Variants in PLS1 observed in about 807,000 individuals in gnomAD.
The protein encoded by PLS1 is plastin-1.
Under a neutral mutation model 73.7 loss-of-function variants are expected in PLS1, and 32 were observed. That is an observed-to-expected ratio of 0.43 (90% CI 0.33 to 0.58). The LOEUF (loss-of-function observed/expected upper bound fraction) is 0.58. PLS1 is among the 20% of genes least tolerant of loss of function. The probability of loss-of-function intolerance (pLI) is 0.04; values close to 1 mark genes in which losing one functional copy is unlikely to be tolerated. For synonymous variants in PLS1, 217 were observed against 261.3 expected, an observed-to-expected ratio of 0.83 and a Z score of 1.63; for missense variants, 633 against 740.5, an observed-to-expected ratio of 0.85 and a Z score of 1.68.
chr3:142,711,776 A>G (rs993890955), intron 15 of PLS1, 96 bp from the exon 16 acceptor site: 168 of 1,446,448 alleles, frequency 1.2e-4, no homozygotes, highest in Admixed American at 1.9e-4. Context: ...ACCTTTTCGT[A>G]AAACTAATCT....
chr3:142,601,123 C>G (rs1161666276), intron 1 of PLS1, among the ~76,000 whole-genome samples: 1 of 149,448 alleles, frequency 6.7e-6, no homozygotes, highest in Non-Finnish European at 1.5e-5. Context: ...GACGGGGTTT[C>G]ACTGTGTTAG....
chr3:142,599,465 G>A (rs1001039331), intron 1 of PLS1, among the ~76,000 whole-genome samples: 1 of 151,488 alleles, frequency 6.6e-6, no homozygotes, highest in African/African-American at 2.4e-5. Context: ...GAGTAGCTGG[G>A]ACTACAGGCG....
intron 12 of PLS1, among the ~76,000 whole-genome samples, chr3:142,702,657 A>G (rs1293349603): frequency 2.6e-5 from 4 of 152,368 alleles, no homozygotes; most frequent in South Asian, 2.1e-4. Context: ...ATAAGAATTT[A>G]TAAGTTCTGA....
Position 142,694,561 on chromosome 3 carries a change from T to G in PLS1, c.1256+14T>G, listed in dbSNP as rs555121634. The G allele has an allele frequency of 6.7e-6, 10 of 1,487,558 alleles. No homozygotes were observed. The highest frequency in any genetic ancestry group is 9.4e-6 in the Non-Finnish European group (10 of 1,066,852). 92.1% of individuals were successfully genotyped at this position (1,487,558 alleles called of 1,614,324 possible). A position where few individuals can be genotyped will look rare whatever the true frequency, so the allele number is the denominator to read the frequency against. ...TCATTTGTACAGGTAAATATTTTAT[T>G]GTGCTTCAGCTTTACTGTCAGGGTC... On this transcript the variant is annotated intron_variant, in intron 11 of 15. Coordinates refer to ENST00000457734, the MANE Select transcript of PLS1 (RefSeq NM_001145319.2).
At chr3:142,643,694 A>G (rs544883465) in intron 1 of PLS1, among the ~76,000 whole-genome samples, 2 of 152,318 alleles carry the variant, frequency 1.3e-5, no homozygotes, top group Admixed American at 1.3e-4. Context: ...CGTAGAGCTA[A>G]CTTTGATTTA....
At chr3:142,692,674 A>G (rs1208936631) in intron 10 of PLS1, among the ~76,000 whole-genome samples, 2 of 152,134 alleles carry the variant, frequency 1.3e-5, no homozygotes, top group Non-Finnish European at 2.9e-5. Flanking sequence ...TCAAAATGCA[A>G]GTTTAGTTAT....
chr3:142,673,541 G>C (rs1363461776), intron 4 of PLS1: 3 of 152,110 alleles, frequency 2.0e-5, no homozygotes, highest in African/African-American at 7.2e-5. Flanking sequence ...TTGAATTTTT[G>C]TTAACTCTAT....
chr3:142,663,267 AT>A (rs912392935), intron 1 of PLS1, among the ~76,000 whole-genome samples: 1 of 152,090 alleles, frequency 6.6e-6, no homozygotes, highest in Non-Finnish European at 1.5e-5. Flanking sequence ...ACAAAATTAT[AT>A]TTGTTGATAT....
At chr3:142,620,036 G>A (rs1462674155) in intron 1 of PLS1, among the ~76,000 whole-genome samples, 1 of 152,054 alleles carries the variant, frequency 6.6e-6, no homozygotes, top group African/African-American at 2.4e-5. Context: ...ACTCCTGGCT[G>A]CCCAGAAACT....
chr3:142,709,218 A>C (rs867601586), intron 14 of PLS1, among the ~76,000 whole-genome samples: 1 of 152,202 alleles, frequency 6.6e-6, no homozygotes, highest in African/African-American at 2.4e-5. Flanking sequence ...TTCATAGATA[A>C]CCTGACATTA....
chr3:142,681,541 C>T (rs549062018), intron 6 of PLS1, among the ~76,000 whole-genome samples: 20 of 152,342 alleles, frequency 1.3e-4, no homozygotes. Context: ...ACCTGTTAGA[C>T]AGTCCAAGCC....
At chr3:142,634,904 T>C (rs1431366707) in intron 1 of PLS1, among the ~76,000 whole-genome samples, 1 of 151,640 alleles carries the variant, frequency 6.6e-6, no homozygotes, top group Non-Finnish European at 1.5e-5. Flanking sequence ...AATGGAAGCA[T>C]ACCATTGTAA....
At chr3:142,676,069 G>GT in intron 4 of PLS1, 88 bp from the exon 5 acceptor site, 1 of 968,376 alleles carries the variant, frequency 1.0e-6, no homozygotes, top group Non-Finnish European at 1.6e-6. Flanking sequence ...TAACAAGTAT[G>GT]TTTTTGTAGT....
intron 1 of PLS1, among the ~76,000 whole-genome samples, chr3:142,644,637 G>A (rs1162779781): frequency 6.6e-6 from 1 of 152,166 alleles, no homozygotes; most frequent in East Asian, 1.9e-4. Flanking sequence ...GGAATGTGAA[G>A]CATATAATTT....
chr3:142,670,270 G>A (rs563731336), intron 3 of PLS1, among the ~76,000 whole-genome samples: 1 of 152,316 alleles, frequency 6.6e-6, no homozygotes, highest in East Asian at 1.9e-4. Context: ...TAGAGTCCCT[G>A]TGGCTTTAGA....
At chr3:142,698,981 A>T (rs1343270842) in intron 12 of PLS1, among the ~76,000 whole-genome samples, 1 of 152,202 alleles carries the variant, frequency 6.6e-6, no homozygotes, top group Non-Finnish European at 1.5e-5. Flanking sequence ...ATGTGCCATT[A>T]AAAATAGTGT....
At chr3:142,675,219 A>G (rs751854813) in intron 4 of PLS1, among the ~76,000 whole-genome samples, 1 of 152,162 alleles carries the variant, frequency 6.6e-6, no homozygotes, top group Non-Finnish European at 1.5e-5. Context: ...TTTAATTAAC[A>G]TATACATATT....
intron 3 of PLS1, among the ~76,000 whole-genome samples, chr3:142,669,947 C>T (rs2107841631): frequency 6.6e-6 from 1 of 152,254 alleles, no homozygotes; most frequent in Middle Eastern, 3.4e-3. Flanking sequence ...TTGCTAGGCA[C>T]TGTGAGTAAT....
intron 8 of PLS1, among the ~76,000 whole-genome samples, chr3:142,685,476 G>T (rs2037945098): frequency 6.6e-6 from 1 of 152,084 alleles, no homozygotes; most frequent in African/African-American, 2.4e-5. Context: ...CATGGTTTTG[G>T]CTGGGATTAC....
Sources: allele counts gnomAD v4.1 joint callset (sites outside exome capture counted in the v4.1 genomes callset), GRCh38; gene constraint gnomAD v4.1.1; transcripts MANE v1.5; gene names NCBI Gene and HGNC (gene_info 2026-07-23, HGNC 2026-07-21).